Variants in EML5 observed in about 807,000 individuals in gnomAD.
The protein encoded by EML5 is echinoderm microtubule-associated protein-like 5.
EML5 carries 120 observed loss-of-function variants against 250.0 expected under a neutral mutation model. The ratio of observed to expected loss-of-function variants is 0.48; its 90% confidence interval spans 0.41 to 0.56. The LOEUF (loss-of-function observed/expected upper bound fraction) is 0.56, where lower values mean the gene tolerates loss of function less well. Among genes scored for constraint, EML5 ranks in the 20% least tolerant of loss-of-function variants. The pLI, the probability that EML5 is intolerant of heterozygous loss-of-function variation, is 0.00. For synonymous variants in EML5, 771 were observed against 806.5 expected, an observed-to-expected ratio of 0.96 and a Z score of 0.75; for missense variants, 2,006 against 2,437.6, an observed-to-expected ratio of 0.82 and a Z score of 3.73.
At chr14:88,706,230 A>T in intron 11 of EML5, 29 bp downstream of exon 11, 1 of 1,530,384 alleles carries the variant, frequency 6.5e-7, no homozygotes, top group Non-Finnish European at 8.7e-7. Flanking sequence ...TTTGACAGGG[A>T]AACTGTTTAG....
chr14:88,705,372 A>T, intron 12 of EML5, 110 bp downstream of exon 12: 1 of 845,016 alleles, frequency 1.2e-6, no homozygotes, highest in South Asian at 1.5e-5. Flanking sequence ...ATAGTCATAC[A>T]TTGCTTGAGA....
intron 11 of EML5, 25 bp downstream of exon 11, chr14:88,706,234 T>A: frequency 6.5e-7 from 1 of 1,538,930 alleles, no homozygotes; most frequent in Non-Finnish European, 8.7e-7. Context: ...ACAGGGAAAC[T>A]GTTTAGCTAA....
Position 88,754,682 on chromosome 14 carries a change from A to G in EML5, c.198-11T>C. The G allele has an allele frequency of 6.3e-7, 1 of 1,585,348 alleles. No homozygotes were observed. On this transcript the variant is annotated splice_polypyrimidine_tract_variant and intron_variant, in intron 1 of 43. Transcript: ENST00000554922. ...GGATGCAATGCAAGGCTGTAAAATA[A>G]GGAAATAAATAAGTAGTATTATTAA...
Position 88,738,839 on chromosome 14 carries a change from T to A in EML5, c.847+40A>T, listed in dbSNP as rs548107484. ...AGAAAGAGATAATCTTTGGGAAGTT[T>A]AGAGTTTGCCTAGTAATAAGACATT... is the stretch of plus-strand genomic sequence containing the variant. On this transcript the variant is annotated intron_variant, in intron 6 of 43. Coordinates refer to ENST00000554922, the MANE Select transcript of EML5 (RefSeq NM_183387.3). 49 of 1,535,304 alleles carry A rather than the reference T, an allele frequency of 3.2e-5. 2 individuals carry two copies. The highest frequency in any genetic ancestry group is 3.2e-4 in the African/African-American group (23 of 72,352).
chr14:88,740,578 AG>A lies in EML5; in HGVS notation c.526-7del, dbSNP rs1423865114. ...TTTCCACATAAACTCCAGAACTAAAAGGTATATAGTATAATCAAATTACCAA... is the reference window on the plus strand; with the variant it reads ...TTTCCACATAAACTCCAGAACTAAAAGTATATAGTATAATCAAATTACCAA... On this transcript the variant is annotated splice_polypyrimidine_tract_variant and splice_region_variant and intron_variant, in intron 4 of 43. Transcript: ENST00000554922. The A allele has an allele frequency of 1.3e-6, 2 of 1,595,872 alleles. No individual in the cohort carries two copies. Among genetic ancestry groups the A allele is most frequent in the Admixed American group, 3.6e-5 (2 of 56,206 alleles).
rs2140187339 is a variant in EML5 at position 88,612,630 on chromosome 14, ATACT to A, written c.*3184_*3187del. The A allele has an allele frequency of 6.5e-6, 1 of 152,778 alleles. No individual in the cohort carries two copies. Among genetic ancestry groups the A allele is most frequent in the South Asian group, 2.1e-4 (1 of 4,830 alleles). 9.5% of individuals were successfully genotyped at this position (152,778 alleles called of 1,614,324 possible). ...AACATTCTCAGAATCCACAGAAAAT[ATACT>A]TAGTTACTACTGAAGATAATTTTTG... On this transcript the variant is annotated 3_prime_UTR_variant, in exon 44 of 44. Transcript: ENST00000554922.
At chr14:88,675,615 T>TCCC (rs2092577350) in intron 21 of EML5, among the ~76,000 whole-genome samples, 1 of 152,194 alleles carries the variant, frequency 6.6e-6, no homozygotes, top group Non-Finnish European at 1.5e-5. Context: ...GGAGACACTT[T>TCCC]CCCCATTGTT....
intron 21 of EML5, among the ~76,000 whole-genome samples, chr14:88,669,722 C>T (rs1379977648): frequency 6.6e-6 from 1 of 152,156 alleles, no homozygotes; most frequent in African/African-American, 2.4e-5. Flanking sequence ...TGTAATGCAC[C>T]CCCTCTGCCA....
intron 17 of EML5, among the ~76,000 whole-genome samples, chr14:88,693,763 CTTTTTTTTT>C (rs71127002): frequency 1.6e-5 from 1 of 62,846 alleles, no homozygotes. Flanking sequence ...ATGTTAACAT[CTTTTTTTTT>C]TTTTTTTTTT....
chr14:88,643,445 CT>C (rs990497212), intron 30 of EML5, among the ~76,000 whole-genome samples: 4 of 152,040 alleles, frequency 2.6e-5, no homozygotes, highest in African/African-American at 7.2e-5. Context: ...AGCATTTACA[CT>C]GTATTAGGTA....
intron 26 of EML5, 102 bp from the exon 27 acceptor site, chr14:88,657,604 G>A (rs951985179): frequency 5.3e-6 from 6 of 1,142,352 alleles, no homozygotes; most frequent in Non-Finnish European, 7.0e-6. Context: ...AATAAATTAA[G>A]TTGTTATAAG....
chr14:88,705,777 C>T, intron 11 of EML5, 189 bp from the exon 12 acceptor site: 1 of 668,220 alleles, frequency 1.5e-6, no homozygotes. Context: ...CCTCTCCACT[C>T]ACTGCAAACT....
chr14:88,699,645 CATTG>C (rs2093163328), intron 14 of EML5, among the ~76,000 whole-genome samples: 1 of 151,916 alleles, frequency 6.6e-6, no homozygotes. Context: ...AATTGTGAAG[CATTG>C]ATTGTCAGTA....
chr14:88,731,193 A>G (rs891171127), intron 7 of EML5, among the ~76,000 whole-genome samples: 8 of 150,806 alleles, frequency 5.3e-5, no homozygotes, highest in Non-Finnish European at 8.9e-5. Context: ...TACATTAGGT[A>G]TATCTCCTAA....
At chr14:88,753,569 AC>A (rs755318280) in intron 2 of EML5, among the ~76,000 whole-genome samples, 1 of 152,174 alleles carries the variant, frequency 6.6e-6, no homozygotes, top group Non-Finnish European at 1.5e-5. Context: ...TAAATGAACA[AC>A]CTGCAAGATC....
chr14:88,773,993 C>G (rs1431031100), intron 1 of EML5, among the ~76,000 whole-genome samples: 1 of 152,102 alleles, frequency 6.6e-6, no homozygotes, highest in Non-Finnish European at 1.5e-5. Flanking sequence ...GTGGCAGGTG[C>G]CTGTAGTCCC....
chr14:88,752,045 T>G (rs2094104219), intron 2 of EML5, among the ~76,000 whole-genome samples: 1 of 152,216 alleles, frequency 6.6e-6, no homozygotes, highest in Non-Finnish European at 1.5e-5. Flanking sequence ...TTAGCTATTA[T>G]GTTTTTATGA....
chr14:88,706,496 T>C (rs1426412924), intron 10 of EML5, 70 bp from the exon 11 acceptor site: 5 of 1,157,104 alleles, frequency 4.3e-6, no homozygotes, highest in Non-Finnish European at 5.8e-6. Flanking sequence ...ACAATTTTTA[T>C]ATATGAACCA....
intron 17 of EML5, among the ~76,000 whole-genome samples, chr14:88,692,535 A>G (rs1173639141): frequency 6.6e-6 from 1 of 152,160 alleles, no homozygotes; most frequent in Admixed American, 6.5e-5. Context: ...ATACAGGAGG[A>G]TGTGCATAAA....
Sources: allele counts gnomAD v4.1 joint callset (sites outside exome capture counted in the v4.1 genomes callset), GRCh38; gene constraint gnomAD v4.1.1; transcripts MANE v1.5; gene names NCBI Gene and HGNC (gene_info 2026-07-23, HGNC 2026-07-21).